CIMIP1: variants seen among roughly 807,000 people sequenced by gnomAD.
CIMIP1 encodes ciliary microtubule inner protein 1.
the CIMIP1 span, among the ~76,000 whole-genome samples, chr20:58,157,682 T>C: frequency 6.6e-6 from 1 of 152,158 alleles, no homozygotes; most frequent in South Asian, 2.1e-4. Flanking sequence ...GTATCCGGCA[T>C]GAGATTTGGG....
the CIMIP1 span, among the ~76,000 whole-genome samples, chr20:58,154,502 G>T: frequency 6.6e-6 from 1 of 152,184 alleles, no homozygotes; most frequent in African/African-American, 2.4e-5. Flanking sequence ...ATCAGTCAAA[G>T]TATCTATGAT....
the CIMIP1 span, among the ~76,000 whole-genome samples, chr20:58,154,471 C>T: frequency 6.6e-6 from 1 of 152,198 alleles, no homozygotes; most frequent in Admixed American, 6.5e-5. Flanking sequence ...ACAAGAGATG[C>T]AGAATTAATT....
At chr20:58,157,667 A>T in the CIMIP1 span, among the ~76,000 whole-genome samples, 2 of 152,104 alleles carry the variant, frequency 1.3e-5, no homozygotes, top group Non-Finnish European at 2.9e-5. Context: ...CTGGCCATTG[A>T]GGTTGTATCC....
chr20:58,155,437 A>G, the CIMIP1 span: 2 of 1,550,002 alleles, frequency 1.3e-6, no homozygotes, highest in Non-Finnish European at 1.8e-6. Flanking sequence ...GCTTCACGTA[A>G]GACTTCCCAT....
At chr20:58,158,044 T>C in the CIMIP1 span, among the ~76,000 whole-genome samples, 1 of 152,188 alleles carries the variant, frequency 6.6e-6, no homozygotes, top group Non-Finnish European at 1.5e-5. Flanking sequence ...ACTTTCCCTC[T>C]GCCACCAGGG....
the CIMIP1 span, among the ~76,000 whole-genome samples, chr20:58,159,380 A>G: frequency 8.6e-5 from 13 of 151,770 alleles, no homozygotes; most frequent in Admixed American, 7.9e-4. Context: ...GCTGGGCATG[A>G]TGGCACTTAC....
At chr20:58,160,612 C>T in the CIMIP1 span, 3 of 1,578,546 alleles carry the variant, frequency 1.9e-6, no homozygotes, top group East Asian at 2.3e-5. Flanking sequence ...CTGGGTGCCT[C>T]GTGTCTCTGT....
chr20:58,154,108 A>C, the CIMIP1 span, among the ~76,000 whole-genome samples: 2 of 152,226 alleles, frequency 1.3e-5, no homozygotes, highest in African/African-American at 4.8e-5. Flanking sequence ...AGGCCAAGTG[A>C]CATATGAGGG....
chr20:58,160,600 T>C, the CIMIP1 span: 2 of 1,548,258 alleles, frequency 1.3e-6, no homozygotes. Flanking sequence ...CACATGCCGA[T>C]GCTGGGTGCC....
At chr20:58,152,246 C>A in the CIMIP1 span, among the ~76,000 whole-genome samples, 1 of 150,768 alleles carries the variant, frequency 6.6e-6, no homozygotes, top group Non-Finnish European at 1.5e-5. Flanking sequence ...TTCCCTCTGT[C>A]TGAAATGCCC....
the CIMIP1 span, among the ~76,000 whole-genome samples, chr20:58,155,291 C>T: frequency 6.6e-6 from 1 of 152,220 alleles, no homozygotes; most frequent in Non-Finnish European, 1.5e-5. Context: ...TAAGACAAGC[C>T]TCTGCCTCCC....
the CIMIP1 span, among the ~76,000 whole-genome samples, chr20:58,151,436 T>TG: frequency 6.6e-6 from 1 of 152,042 alleles, no homozygotes; most frequent in African/African-American, 2.4e-5. Flanking sequence ...TTTTTTGAGA[T>TG]GGAGTCCTGC....
chr20:58,157,158 C>T, the CIMIP1 span, among the ~76,000 whole-genome samples: 1 of 152,080 alleles, frequency 6.6e-6, no homozygotes, highest in African/African-American at 2.4e-5. Context: ...AGAGGTTTTC[C>T]TACACATCCC....
chr20:58,158,967 G>A, the CIMIP1 span, among the ~76,000 whole-genome samples: 1 of 152,090 alleles, frequency 6.6e-6, no homozygotes, highest in Non-Finnish European at 1.5e-5. Flanking sequence ...CTAAACCATT[G>A]CATGGCACAC....
At chr20:58,155,434 G>T in the CIMIP1 span, 1 of 1,543,106 alleles carries the variant, frequency 6.5e-7, no homozygotes, top group Non-Finnish European at 8.9e-7. Context: ...CCAGCTTCAC[G>T]TAAGACTTCC....
At chr20:58,153,493 C>A in the CIMIP1 span, 3 of 1,384,044 alleles carry the variant, frequency 2.2e-6, no homozygotes, top group East Asian at 2.3e-5. Flanking sequence ...CCCCACAGAC[C>A]CCTTGAACCT....
At chr20:58,159,741 T>C in the CIMIP1 span, among the ~76,000 whole-genome samples, 1 of 152,220 alleles carries the variant, frequency 6.6e-6, no homozygotes, top group African/African-American at 2.4e-5. Flanking sequence ...GCTTCCCTTC[T>C]GAACAATTTT....
the CIMIP1 span, chr20:58,151,085 C>T: frequency 6.7e-7 from 1 of 1,498,828 alleles, no homozygotes; most frequent in Non-Finnish European, 9.1e-7. Flanking sequence ...CCTGAAGTGT[C>T]CACATCTGGG....
At chr20:58,153,860 G>A in the CIMIP1 span, among the ~76,000 whole-genome samples, 8 of 152,156 alleles carry the variant, frequency 5.3e-5, no homozygotes, top group East Asian at 1.9e-4. Flanking sequence ...CAAGAACCCC[G>A]GTGCAGAGAC....
Sources: gnomAD v4.1 joint callset for allele counts (sites outside exome capture counted in the v4.1 genomes callset) on GRCh38, gnomAD v4.1.1 for gene constraint, MANE v1.5 for transcripts, NCBI Gene and HGNC (gene_info 2026-07-23, HGNC 2026-07-21) for gene names.